Variants in TCP11L1 observed in about 807,000 individuals in gnomAD.
TCP11L1 encodes t-complex 11 like 1, also known as T-complex protein 11-like protein 1.
A neutral mutation model predicts 48.9 loss-of-function variants in TCP11L1; 28 were observed. The observed-to-expected ratio is 0.57, with a 90% CI of 0.42 to 0.78. The LOEUF (loss-of-function observed/expected upper bound fraction) is 0.78. Ranked by LOEUF, TCP11L1 falls within the 30% of genes least tolerant of loss-of-function variation. TCP11L1 has a pLI of 0.00. For missense variants in TCP11L1, 505 were observed against 613.4 expected, an observed-to-expected ratio of 0.82 and a Z score of 1.87; for synonymous variants, 204 against 231.9, an observed-to-expected ratio of 0.88 and a Z score of 1.09.
chr11:33,069,878 GT>G (rs1012501279), intron 9 of TCP11L1, among the ~76,000 whole-genome samples: 4 of 152,106 alleles, frequency 2.6e-5, no homozygotes, highest in African/African-American at 9.7e-5. Flanking sequence ...AAGTGCTGGG[GT>G]TAACAGGCAC....
At chr11:33,067,660 T>C (rs1854655366) in intron 8 of TCP11L1, among the ~76,000 whole-genome samples, 1 of 152,178 alleles carries the variant, frequency 6.6e-6, no homozygotes. Context: ...ATATCCTCCC[T>C]GGTCCTCCAG....
chr11:33,064,253 C>G (rs767509615), intron 7 of TCP11L1, among the ~76,000 whole-genome samples: 2 of 152,216 alleles, frequency 1.3e-5, no homozygotes, highest in Non-Finnish European at 2.9e-5. Context: ...ATCCTAAACT[C>G]ACGTCCTGCT....
At position 33,059,027 on chromosome 11, in the gene TCP11L1, C is replaced by T; in HGVS notation, c.707C>T (p.Pro236Leu). The T allele has an allele frequency of 6.2e-7, 1 of 1,614,142 alleles. No individual in the cohort carries two copies. Among genetic ancestry groups the T allele is most frequent in the Non-Finnish European group, 8.5e-7 (1 of 1,180,020 alleles). The change falls in exon 6 of 10, where the codon CCT becomes CTT. Residue 236 changes from proline (P) to leucine (L), a missense_variant. Physicochemically the swap from Pro to Leu is moderately conservative, Grantham distance 98 (BLOSUM62 -3). Transcript: ENST00000334274. Reference sequence around the variant, plus strand: ...AACTTTGCTATCAGTAGCATCAGGCCTCATCTCATGCAGCAGTCAGTTGAA... The same window carrying T: ...AACTTTGCTATCAGTAGCATCAGGCTTCATCTCATGCAGCAGTCAGTTGAA... ...MANFAISSIR[P>L]HLMQQSVEYE...
At chr11:33,061,878 C>T (rs958955185) in intron 7 of TCP11L1, 152 bp downstream of exon 7, 1 of 737,692 alleles carries the variant, frequency 1.4e-6, no homozygotes, top group Non-Finnish European at 2.0e-6. Context: ...GTCAGGAGTT[C>T]AAGACTTGCC....
intron 7 of TCP11L1, 97 bp downstream of exon 7, chr11:33,061,823 G>GTA (rs1320306774): frequency 1.7e-5 from 21 of 1,264,658 alleles, no homozygotes; most frequent in Non-Finnish European, 2.2e-5. Flanking sequence ...GCTCACTCCT[G>GTA]TAATCCCAGC....
At chr11:33,055,132 G>A (rs771733705) in intron 3 of TCP11L1, among the ~76,000 whole-genome samples, 8 of 152,164 alleles carry the variant, frequency 5.3e-5, no homozygotes, top group Non-Finnish European at 1.0e-4. Flanking sequence ...AAAATGTGCT[G>A]TCATAAGAAA....
intron 3 of TCP11L1, chr11:33,056,695 C>G (rs1008256818): frequency 4.3e-6 from 1 of 232,412 alleles, no homozygotes; most frequent in Admixed American, 5.3e-5. Context: ...CTGCCTGCCT[C>G]GGCCTCCAAA....
chr11:33,041,653 A>C (rs1020331089), intron 1 of TCP11L1, among the ~76,000 whole-genome samples: 7 of 152,070 alleles, frequency 4.6e-5, no homozygotes, highest in African/African-American at 1.4e-4. Context: ...GGGGAGGCTG[A>C]GGCAGAAGAA....
chr11:33,072,830 C>A lies in TCP11L1; in HGVS notation c.*154C>A. 1 of 791,174 alleles carries A rather than the reference C, an allele frequency of 1.3e-6. No individual in the cohort carries two copies. Among genetic ancestry groups the A allele is most frequent in the Non-Finnish European group, 2.0e-6 (1 of 500,160 alleles). 49.0% of individuals were successfully genotyped at this position (791,174 alleles called of 1,614,324 possible). ...ATATTGTGTATCACTGTTGAAAAGA[C>A]TTGTTGAGAAATCCACTGAATTCTA... On this transcript the variant is annotated 3_prime_UTR_variant, in exon 10 of 10. Coordinates refer to ENST00000334274, the MANE Select transcript of TCP11L1 (RefSeq NM_018393.4).
chr11:33,043,895 A>T lies in TCP11L1; in HGVS notation c.122A>T (p.Lys41Met), dbSNP rs528864660. The T allele has an allele frequency of 6.2e-7, 1 of 1,613,792 alleles. No individual in the cohort carries two copies. The highest frequency in any genetic ancestry group is 1.1e-5 in the South Asian group (1 of 90,970). ...GADEALQKAI[K>M]SDSSSPQRVQ... ...GATGAAGCCTTACAAAAAGCAATAA[A>T]GTCAGACTCCTCCAGCCCCCAAAGA... Residue 41 changes from lysine (K) to methionine (M), a missense_variant, in exon 2 of 10, where the codon AAG (lysine) becomes ATG (methionine). Physicochemically the swap from Lys to Met is moderately conservative, Grantham distance 95. Around this residue, in one of 3 missense-constraint regions of TCP11L1, gnomAD observed 168 missense variants for 183.5 expected, o/e 0.92. Transcript: ENST00000334274.
chr11:33,072,442 G>A (rs1345951276), intron 9 of TCP11L1, 32 bp from the exon 10 acceptor site: 1 of 1,612,258 alleles, frequency 6.2e-7, no homozygotes, highest in African/African-American at 1.3e-5. Context: ...TGAAGGACAA[G>A]AAACAACTGA....
chr11:33,065,119 A>G (rs1854577042), intron 7 of TCP11L1, among the ~76,000 whole-genome samples: 1 of 152,218 alleles, frequency 6.6e-6, no homozygotes, highest in African/African-American at 2.4e-5. Context: ...TCTTCCTAAC[A>G]ATAAGTATAA....
At chr11:33,052,694 G>C (rs907886974) in intron 2 of TCP11L1, among the ~76,000 whole-genome samples, 1 of 152,124 alleles carries the variant, frequency 6.6e-6, no homozygotes, top group Non-Finnish European at 1.5e-5. Flanking sequence ...AGACTTGTTA[G>C]AAATACAGAT....
chr11:33,052,815 C>T (rs1382806924), intron 2 of TCP11L1, among the ~76,000 whole-genome samples: 4 of 151,738 alleles, frequency 2.6e-5, no homozygotes, highest in African/African-American at 7.3e-5. Flanking sequence ...GGCAACATGG[C>T]GAAACTTGTC....
At chr11:33,061,917 C>G (rs1180296028) in intron 7 of TCP11L1, among the ~76,000 whole-genome samples, 191 bp downstream of exon 7, 2 of 152,042 alleles carry the variant, frequency 1.3e-5, no homozygotes, top group Non-Finnish European at 2.9e-5. Flanking sequence ...ACCCTCTGTA[C>G]TAAAAATACA....
At chr11:33,055,562 A>G (rs948981159) in intron 3 of TCP11L1, among the ~76,000 whole-genome samples, 12 of 152,218 alleles carry the variant, frequency 7.9e-5, no homozygotes, top group African/African-American at 2.7e-4. Context: ...CTAAAAGGGA[A>G]TGAACTGCTG....
chr11:33,042,671 G>T, intron 1 of TCP11L1, among the ~76,000 whole-genome samples: 1 of 152,182 alleles, frequency 6.6e-6, no homozygotes, highest in Admixed American at 6.5e-5. Flanking sequence ...AGTGGCTCAT[G>T]GCTGTAATCC....
chr11:33,054,371 A>G (rs6484635), intron 2 of TCP11L1, among the ~76,000 whole-genome samples: 62,413 of 151,976 alleles, frequency 0.41, 13,033 homozygotes, highest in African/African-American at 0.48. Flanking sequence ...CTTAGTAAAA[A>G]CCAGATGTTT....
At chr11:33,043,963 G>T in intron 2 of TCP11L1, 27 bp downstream of exon 2, 2 of 1,568,324 alleles carry the variant, frequency 1.3e-6, no homozygotes, top group Non-Finnish European at 1.7e-6. Flanking sequence ...TTGGTTAGAT[G>T]CAATATTGTC....
Sources: allele counts gnomAD v4.1 joint callset (sites outside exome capture counted in the v4.1 genomes callset), GRCh38; gene constraint gnomAD v4.1.1; regional missense constraint gnomAD v4.1.1; transcripts MANE v1.5; gene names NCBI Gene and HGNC (gene_info 2026-07-23, HGNC 2026-07-21).